ITPR1: variants seen among roughly 807,000 people sequenced by gnomAD.
ITPR1 encodes the protein inositol 1,4,5-trisphosphate receptor type 1.
Under a neutral mutation model 318.4 loss-of-function variants are expected in ITPR1, and 96 were observed. That is an observed-to-expected ratio of 0.30 (90% CI 0.26 to 0.36). The LOEUF (loss-of-function observed/expected upper bound fraction) is 0.36, where lower values mean the gene tolerates loss of function less well. Among genes scored for constraint, ITPR1 ranks in the 10% least tolerant of loss-of-function variants. The pLI, the probability that ITPR1 is intolerant of heterozygous loss-of-function variation, is 1.00. For missense variants in ITPR1, 2,440 were observed against 3,460.2 expected (o/e 0.71, Z 7.40); for synonymous variants, 1,312 against 1,289.9 (o/e 1.02, Z -0.37).
chr3:4,690,972 A>C (rs1326370369), intron 31 of ITPR1, among the ~76,000 whole-genome samples, 172 bp from the exon 32 acceptor site: 3 of 151,828 alleles, frequency 2.0e-5, no homozygotes, highest in Non-Finnish European at 2.9e-5. Context: ...CAATGAAAAA[A>C]GCTTACTAAA....
At chr3:4,634,776 T>A (rs1349453815) in intron 5 of ITPR1, among the ~76,000 whole-genome samples, 1 of 152,232 alleles carries the variant, frequency 6.6e-6, no homozygotes, top group Non-Finnish European at 1.5e-5. Context: ...CCCTTTCTTG[T>A]TGCCCAGGCT....
intron 5 of ITPR1, among the ~76,000 whole-genome samples, chr3:4,638,617 A>G (rs1052786187): frequency 9.9e-5 from 15 of 152,230 alleles, no homozygotes; most frequent in African/African-American, 3.1e-4. Context: ...ATGGTTTAAA[A>G]AACATTATTA....
chr3:4,510,038 G>T (rs1198166726), intron 2 of ITPR1, among the ~76,000 whole-genome samples: 3 of 152,198 alleles, frequency 2.0e-5, no homozygotes, highest in Non-Finnish European at 4.4e-5. Flanking sequence ...GTATAGAAGA[G>T]TATGTTGGAA....
rs538779636 is a variant in ITPR1 at position 4,769,372 on chromosome 3, G to C, written c.5979+608G>C. Among the ~76,000 whole-genome samples the C allele has an allele frequency of 2.6e-5, 4 of 152,320 alleles. No homozygotes were observed. The South Asian group carries it at 6.2e-4, about 24-fold the overall frequency. On this transcript the variant is annotated intron_variant, in intron 46 of 61. Coordinates refer to ENST00000649015, the MANE Select transcript of ITPR1 (RefSeq NM_001378452.1). ...TATTGATGTGTGTGTCTTGTAGCCT[G>C]TCACTGTTAGACATCTAGGCACTCA...
At chr3:4,735,525 T>G in intron 44 of ITPR1, 171 bp downstream of exon 44, 1 of 591,946 alleles carries the variant, frequency 1.7e-6, no homozygotes, top group Non-Finnish European at 3.0e-6. Context: ...GCTGTGATCA[T>G]TTGGTCATAA....
chr3:4,746,893 G>A (rs947282864), intron 44 of ITPR1, among the ~76,000 whole-genome samples: 7 of 152,136 alleles, frequency 4.6e-5, no homozygotes, highest in South Asian at 2.1e-4. Flanking sequence ...ACTTTCTTCC[G>A]GGGTCAAGTC....
intron 44 of ITPR1, among the ~76,000 whole-genome samples, chr3:4,737,403 G>T (rs2043354608): frequency 6.6e-6 from 1 of 152,218 alleles, no homozygotes; most frequent in Admixed American, 6.5e-5. Flanking sequence ...ATGGACATGG[G>T]ACTGAAAGGG....
chr3:4,694,438 A>ATG (rs1559712726), intron 33 of ITPR1, among the ~76,000 whole-genome samples: 2 of 117,888 alleles, frequency 1.7e-5, no homozygotes, highest in Non-Finnish European at 4.2e-5. Flanking sequence ...CATATATCAT[A>ATG]TAATGTTTTT....
At chr3:4,845,860 A>G (rs2051732932) in intron 61 of ITPR1, among the ~76,000 whole-genome samples, 1 of 152,220 alleles carries the variant, frequency 6.6e-6, no homozygotes, top group South Asian at 2.1e-4. Context: ...GGAAACAAGA[A>G]AGAATCCTGT....
chr3:4,504,847 G>A (rs2081287420), intron 2 of ITPR1, among the ~76,000 whole-genome samples: 1 of 152,186 alleles, frequency 6.6e-6, no homozygotes, highest in Non-Finnish European at 1.5e-5. Context: ...TACCATATAT[G>A]TACCTGGGTG....
At chr3:4,535,618 T>A (rs11922485) in intron 4 of ITPR1, among the ~76,000 whole-genome samples, 57 of 151,588 alleles carry the variant, frequency 3.8e-4, no homozygotes, top group African/African-American at 1.4e-3. Context: ...AATTTTTTTT[T>A]GTATATTTAG....
intron 4 of ITPR1, among the ~76,000 whole-genome samples, chr3:4,534,515 C>A (rs747616740): frequency 3.0e-4 from 46 of 152,226 alleles, no homozygotes; most frequent in African/African-American, 8.4e-4. Context: ...TTCAAAGAAC[C>A]CACGTGTTTT....
intron 17 of ITPR1, among the ~76,000 whole-genome samples, chr3:4,665,528 G>A (rs1019341489): frequency 2.0e-5 from 3 of 152,120 alleles, no homozygotes; most frequent in Non-Finnish European, 4.4e-5. Context: ...TGAGATTTCT[G>A]GTTTTGGAGT....
Position 4,653,883 on chromosome 3 carries a change from C to T in ITPR1, c.993C>T (p.Pro331=). 1 of 1,608,274 alleles carries T rather than the reference C, an allele frequency of 6.2e-7. No individual in the cohort carries two copies. Among genetic ancestry groups the T allele is most frequent in the South Asian group, 1.1e-5 (1 of 90,412 alleles). The change falls in exon 12 of 62, where the codon CCC becomes CCT. Residue 331 remains proline, a synonymous_variant. Coordinates refer to ENST00000649015, the MANE Select transcript of ITPR1 (RefSeq NM_001378452.1). The part of the protein sequence containing the change: ...DFEEECLEFQ[P]SVDPDQDASR... ...AGGAAGAATGCCTGGAGTTTCAGCC[C>T]TCAGTAAGTATGGACAAGAGCCTTC...
At chr3:4,546,569 A>T (rs1048377593) in intron 4 of ITPR1, among the ~76,000 whole-genome samples, 2 of 152,150 alleles carry the variant, frequency 1.3e-5, no homozygotes, top group African/African-American at 4.8e-5. Flanking sequence ...AGTCAGTAGC[A>T]AATGCATGCT....
At chr3:4,510,196 G>A (rs1348894801) in intron 2 of ITPR1, among the ~76,000 whole-genome samples, 1 of 152,116 alleles carries the variant, frequency 6.6e-6, no homozygotes, top group Admixed American at 6.5e-5. Flanking sequence ...ATGTGCAAAG[G>A]CCCAGGGAAC....
At chr3:4,519,545 C>A (rs911979017) in intron 3 of ITPR1, among the ~76,000 whole-genome samples, 131 of 152,186 alleles carry the variant, frequency 8.6e-4, no homozygotes, top group African/African-American at 3.0e-3. Context: ...GATTTATTAA[C>A]CTAGCCCTAC....
intron 34 of ITPR1, among the ~76,000 whole-genome samples, chr3:4,699,522 C>G (rs79905400): frequency 2.0e-5 from 3 of 152,256 alleles, no homozygotes; most frequent in Admixed American, 2.0e-4. Context: ...TTCTTACTGC[C>G]GTTTGGGGTT....
chr3:4,780,339 A>T (rs2046746939), intron 49 of ITPR1, among the ~76,000 whole-genome samples: 1 of 152,146 alleles, frequency 6.6e-6, no homozygotes, highest in Non-Finnish European at 1.5e-5. Flanking sequence ...AGTCTGAGCT[A>T]CAGAAATGTT....
Sources: allele counts gnomAD v4.1 joint callset (sites outside exome capture counted in the v4.1 genomes callset), GRCh38; gene constraint gnomAD v4.1.1; transcripts MANE v1.5; gene names NCBI Gene and HGNC (gene_info 2026-07-23, HGNC 2026-07-21).